The following RECQL variants were observed in gnomAD, a reference collection of about 807,000 sequenced individuals.
RECQL encodes ATP-dependent DNA helicase Q1.
A neutral mutation model predicts 75.8 loss-of-function variants in RECQL; 73 were observed. That is an observed-to-expected ratio of 0.96 (90% CI 0.80 to 1.17). The LOEUF is 1.17. Ranked by LOEUF, RECQL falls within the 50% of genes most tolerant of loss-of-function variation. The pLI, the probability that RECQL is intolerant of heterozygous loss-of-function variation, is 0.00. For synonymous variants in RECQL, 248 were observed against 254.4 expected (o/e 0.97, Z 0.24); for missense variants, 699 against 772.1 (o/e 0.91, Z 1.12).
chr12:21,500,252 G>T (rs932100191), intron 1 of RECQL, among the ~76,000 whole-genome samples: 1 of 152,002 alleles, frequency 6.6e-6, no homozygotes, highest in Admixed American at 6.6e-5. Context: ...AGTTAGAGGT[G>T]GGGGGAGGGG....
chr12:21,492,541 A>G (rs1236767678), intron 2 of RECQL, among the ~76,000 whole-genome samples: 1 of 152,236 alleles, frequency 6.6e-6, no homozygotes, highest in African/African-American at 2.4e-5. Flanking sequence ...TATTGTACCA[A>G]CTGCCATCAT....
chr12:21,473,871 TCA>T (rs1340418355), intron 11 of RECQL, among the ~76,000 whole-genome samples: 1 of 152,094 alleles, frequency 6.6e-6, no homozygotes, highest in African/African-American at 2.4e-5. Flanking sequence ...TCTTCTCACA[TCA>T]CACAATCTAA....
Position 21,471,462 on chromosome 12 carries a change from T to A in RECQL, c.1633A>T (p.Ile545Phe), listed in dbSNP as rs374053809. Residue 545 changes from isoleucine to phenylalanine, a missense_variant, in exon 13 of 15, where the codon ATT becomes TTT. Ile to Phe is a conservative substitution (Grantham distance 21). Transcript: ENST00000444129. ...TGCTGTATTAGAAAGTGTGCAATAATCTTCTCCAGATCTTCACGAGGAAGT... is the reference window on the plus strand; with the variant it reads ...TGCTGTATTAGAAAGTGTGCAATAAACTTCTCCAGATCTTCACGAGGAAGT... ...PTLPREDLEKIIAHFLIQQYL... is the reference protein window; with the variant it reads ...PTLPREDLEKFIAHFLIQQYL... 8.7e-6 allele frequency: 14 copies of A among 1,613,054 alleles called. No homozygotes were observed. Among genetic ancestry groups the A allele is most frequent in the Admixed American group, 5.0e-5 (3 of 59,888 alleles).
chr12:21,486,451 TAA>T (rs369525826), intron 5 of RECQL, 26 bp downstream of exon 5: 3,289 of 1,336,574 alleles, frequency 2.5e-3, no homozygotes, highest in Middle Eastern at 6.1e-3. Context: ...TAGTTTACAT[TAA>T]AAAAAAAAAA....
intron 2 of RECQL, among the ~76,000 whole-genome samples, chr12:21,493,227 G>A (rs544235061): frequency 6.6e-6 from 1 of 152,270 alleles, no homozygotes; most frequent in African/African-American, 2.4e-5. Context: ...TGTTTCCACT[G>A]ATAAAGGGAA....
intron 5 of RECQL, 64 bp downstream of exon 5, chr12:21,486,415 G>A (rs1943296600): frequency 1.3e-6 from 2 of 1,487,238 alleles, no homozygotes; most frequent in South Asian, 2.8e-5. Context: ...CAACTCAACT[G>A]CAGGTAAAGC....
chr12:21,472,313 T>C (rs952523808), intron 12 of RECQL, among the ~76,000 whole-genome samples: 1 of 151,754 alleles, frequency 6.6e-6, no homozygotes, highest in Non-Finnish European at 1.5e-5. Flanking sequence ...CCCAGGAGGG[T>C]TCCCAGTTTC....
intron 6 of RECQL, among the ~76,000 whole-genome samples, chr12:21,478,351 C>G (rs1271645314): frequency 6.6e-6 from 1 of 152,092 alleles, no homozygotes; most frequent in African/African-American, 2.4e-5. Context: ...TAGGCTCAAA[C>G]TTGTTATAAG....
chr12:21,476,893 G>C lies in RECQL; in HGVS notation c.949+18C>G. ...GAAAGTTATCTCTGTCTCCAAAGTT[G>C]GTTTGTTTTTACATTACCTGATTGC... On this transcript the variant is annotated intron_variant, in intron 8 of 14. Transcript: ENST00000444129. 6.5e-7 allele frequency: 1 copy of C among 1,544,452 alleles called. No homozygotes were observed. The highest frequency in any genetic ancestry group is 8.8e-7 in the Non-Finnish European group (1 of 1,131,516).
chr12:21,473,442 G>T (rs1943022228), intron 12 of RECQL, 109 bp downstream of exon 12: 1 of 809,870 alleles, frequency 1.2e-6, no homozygotes, highest in Non-Finnish European at 2.0e-6. Context: ...ACACTTTGAT[G>T]TTTGCACAAT....
intron 8 of RECQL, 117 bp from the exon 9 acceptor site, chr12:21,475,941 T>G: frequency 1.1e-6 from 1 of 877,334 alleles, no homozygotes; most frequent in Non-Finnish European, 1.7e-6. Flanking sequence ...AAAAGAATTA[T>G]GAAAAATTTC....
In RECQL at chr12:21,470,213, C is replaced by A. The variant is rs751738687; in HGVS notation, c.1931G>T (p.Arg644Ile). ...SGSKNTGAKK[R>I]KIDDA is the part of the protein sequence containing the mutation. Reference sequence around the variant, plus strand: ...TTCATATCAGGCATCATCGATTTTTCTTTTCTTAGCTCCTGTATTCTTAGA... The same window carrying A: ...TTCATATCAGGCATCATCGATTTTTATTTTCTTAGCTCCTGTATTCTTAGA... Residue 644 changes from arginine (R) to isoleucine (I), a missense_variant, in exon 15 of 15, where the codon AGA becomes ATA. Transcript: ENST00000444129. 6.2e-7 allele frequency: 1 copy of A among 1,611,124 alleles called. No individual in the cohort carries two copies. Among genetic ancestry groups the A allele is most frequent in the African/African-American group, 1.3e-5 (1 of 74,810 alleles).
In RECQL at chr12:21,474,870, C is replaced by T. The variant is rs1447828558; in HGVS notation, c.1326G>A (p.Glu442=). 2.5e-6 allele frequency: 4 copies of T among 1,612,882 alleles called. No homozygotes were observed. The highest frequency in any genetic ancestry group is 1.7e-5 in the Admixed American group (1 of 59,952). Residue 442 remains glutamate (E), a synonymous_variant, in exon 11 of 15, where the codon GAG becomes GAA. Coordinates refer to ENST00000444129, the MANE Select transcript of RECQL (RefSeq NM_002907.4). ...MENVGQQKLY[E]MVSYCQNISK... is the part of the protein sequence containing the mutation. ...TTATGTTTTGACAGTATGATACCATCTCATAAAGCTTCTGCTGTCCCACAT... is the reference window on the plus strand; with the variant it reads ...TTATGTTTTGACAGTATGATACCATTTCATAAAGCTTCTGCTGTCCCACAT...
intron 2 of RECQL, among the ~76,000 whole-genome samples, chr12:21,492,955 C>G (rs73071364): frequency 0.025 from 3,744 of 152,324 alleles, 48 homozygotes; most frequent in Middle Eastern, 0.041. Flanking sequence ...ACCCATCTTC[C>G]TTTCTCACTG....
chr12:21,493,759 G>GTCCT (rs1943454250), intron 2 of RECQL, among the ~76,000 whole-genome samples: 1 of 152,082 alleles, frequency 6.6e-6, no homozygotes, highest in Admixed American at 6.5e-5. Context: ...CCCCACAATG[G>GTCCT]TCCTTGTTGC....
chr12:21,475,489 A>G lies in RECQL; in HGVS notation c.1195T>C (p.Tyr399His), dbSNP rs1216394981. 1.2e-6 allele frequency: 2 copies of G among 1,610,666 alleles called. No individual in the cohort carries two copies. The highest frequency in any genetic ancestry group is 2.7e-5 in the African/African-American group (2 of 74,828). The change falls in exon 10 of 15, where the codon TAC becomes CAC. Residue 399 changes from tyrosine to histidine, a missense_variant. Physicochemically the swap from Tyr to His is moderately conservative, Grantham distance 83. This residue lies in a region of RECQL where 669 missense variants were observed against 713.5 expected (regional missense o/e 0.94). Transcript: ENST00000444129. ...HSMSKSMENY[Y>H]QESGRAGRDD... is the part of the protein sequence containing the mutation. Reference sequence around the variant, plus strand: ...ATACCTGCACGTCCACTCTCTTGGTAATAATTTTCCATGGATTTACTCATT... The same window carrying G: ...ATACCTGCACGTCCACTCTCTTGGTGATAATTTTCCATGGATTTACTCATT...
chr12:21,491,148 T>C (rs1943404105), intron 3 of RECQL, among the ~76,000 whole-genome samples: 3 of 152,196 alleles, frequency 2.0e-5, no homozygotes, highest in Admixed American at 1.3e-4. Flanking sequence ...AAACTTGATG[T>C]TTGATAAGGT....
chr12:21,471,418 T>C lies in RECQL; in HGVS notation c.1667+10A>G, dbSNP rs1942958389. On this transcript the variant is annotated intron_variant, in intron 13 of 14. Coordinates refer to ENST00000444129, the MANE Select transcript of RECQL (RefSeq NM_002907.4). The stretch of plus-strand genomic sequence containing the variant: ...CAACCTGAAAGAATAATGAATGAGT[T>C]TGTACATACTTAAGATACTGCTGTA... The C allele has an allele frequency of 1.2e-6, 2 of 1,602,350 alleles. No homozygotes were observed. The highest frequency in any genetic ancestry group is 1.7e-6 in the Non-Finnish European group (2 of 1,172,334).
chr12:21,469,952 A>T lies in RECQL; in HGVS notation c.*242T>A. 1 of 398,492 alleles carries T rather than the reference A, an allele frequency of 2.5e-6. No individual in the cohort carries two copies. Among genetic ancestry groups the T allele is most frequent in the Non-Finnish European group, 4.3e-6 (1 of 232,750 alleles). 24.7% of individuals were successfully genotyped at this position (398,492 alleles called of 1,614,324 possible). On this transcript the variant is annotated 3_prime_UTR_variant, in exon 15 of 15. Coordinates refer to ENST00000444129, the MANE Select transcript of RECQL (RefSeq NM_002907.4). Reference sequence around the variant, plus strand: ...GTATGAACTTATTCTCAAATATTTTACATTTAAAGGGTTTTACATAAAAAT... The same window carrying T: ...GTATGAACTTATTCTCAAATATTTTTCATTTAAAGGGTTTTACATAAAAAT...
Sources: gnomAD v4.1 joint callset for allele counts (sites outside exome capture counted in the v4.1 genomes callset) on GRCh38, gnomAD v4.1.1 for gene constraint, gnomAD v4.1.1 regional missense constraint, MANE v1.5 for transcripts, NCBI Gene and HGNC (gene_info 2026-07-23, HGNC 2026-07-21) for gene names.